Variants in RPRD1A observed in about 807,000 individuals in gnomAD.
RPRD1A encodes the protein regulation of nuclear pre-mRNA domain containing 1A.
In RPRD1A, 9 loss-of-function variants were observed where a neutral mutation model predicts 37.8. The observed-to-expected ratio is 0.24, with a 90% confidence interval of 0.14 to 0.42. The LOEUF is 0.42. Among genes scored for constraint, RPRD1A ranks in the 10% least tolerant of loss-of-function variants. The pLI, the probability that RPRD1A is intolerant of heterozygous loss-of-function variation, is 1.00. For missense variants in RPRD1A, 255 were observed against 371.0 expected (o/e 0.69, Z 2.57); for synonymous variants, 138 against 139.7 (o/e 0.99, Z 0.08).
intron 1 of RPRD1A, among the ~76,000 whole-genome samples, chr18:36,063,321 T>C (rs114215403): frequency 0.019 from 2,862 of 152,214 alleles, 85 homozygotes; most frequent in African/African-American, 0.065. Context: ...GCCTGCGCCA[T>C]CATGCCCAGC....
intron 6 of RPRD1A, among the ~76,000 whole-genome samples, chr18:36,017,906 T>C (rs969842999): frequency 1.3e-5 from 2 of 152,250 alleles, no homozygotes; most frequent in Admixed American, 6.5e-5. Flanking sequence ...ACTTATACAA[T>C]GCTAAGGATT....
intron 1 of RPRD1A, among the ~76,000 whole-genome samples, chr18:36,063,530 G>A (rs1276965517): frequency 1.3e-5 from 2 of 152,138 alleles, no homozygotes; most frequent in African/African-American, 4.8e-5. Flanking sequence ...CACACTTTGA[G>A]AAACTAAAGA....
At chr18:36,033,572 G>A in intron 2 of RPRD1A, 136 bp downstream of exon 2, 2 of 626,416 alleles carry the variant, frequency 3.2e-6, no homozygotes, top group Middle Eastern at 4.3e-4. Flanking sequence ...GCCATGTAGA[G>A]GGAAGTCTTT....
intron 1 of RPRD1A, among the ~76,000 whole-genome samples, chr18:36,034,420 T>C (rs993601759): frequency 1.3e-5 from 2 of 152,184 alleles, no homozygotes; most frequent in Admixed American, 6.5e-5. Flanking sequence ...GACAAAAATA[T>C]TCCCCTACTC....
At chr18:36,023,849 T>A (rs1016715570) in intron 6 of RPRD1A, among the ~76,000 whole-genome samples, 3 of 152,210 alleles carry the variant, frequency 2.0e-5, no homozygotes, top group African/African-American at 7.2e-5. Context: ...ATTTTTTATA[T>A]GTAATTTTAT....
chr18:36,009,093 C>T, intron 6 of RPRD1A, among the ~76,000 whole-genome samples: 1 of 152,048 alleles, frequency 6.6e-6, no homozygotes, highest in East Asian at 1.9e-4. Flanking sequence ...AGGGGAAGTT[C>T]TTCCCTTTGA....
chr18:35,997,687 T>A (rs577889453), intron 6 of RPRD1A, among the ~76,000 whole-genome samples: 1 of 152,358 alleles, frequency 6.6e-6, no homozygotes, highest in South Asian at 2.1e-4. Flanking sequence ...CTTCTTTCCA[T>A]CTTACCCATC....
chr18:36,058,959 A>C (rs1913981847), intron 1 of RPRD1A, among the ~76,000 whole-genome samples: 1 of 152,208 alleles, frequency 6.6e-6, no homozygotes, highest in Admixed American at 6.5e-5. Context: ...AAAATGTAAA[A>C]TAATCACTCC....
chr18:36,059,502 ATAAT>A (rs2088862964), intron 1 of RPRD1A, among the ~76,000 whole-genome samples: 2 of 152,184 alleles, frequency 1.3e-5, no homozygotes, highest in Admixed American at 1.3e-4. Flanking sequence ...TTTAAAACAA[ATAAT>A]TATTAAATAA....
At chr18:36,050,848 TTTTTCTTTTC>T (rs200015439) in intron 1 of RPRD1A, among the ~76,000 whole-genome samples, 22 of 151,382 alleles carry the variant, frequency 1.5e-4, no homozygotes, top group African/African-American at 4.1e-4. Context: ...CCAGAATCAA[TTTTTCTTTTC>T]TTTTCTTTTC....
At chr18:36,055,786 G>A (rs1279787913) in intron 1 of RPRD1A, among the ~76,000 whole-genome samples, 2 of 152,164 alleles carry the variant, frequency 1.3e-5, no homozygotes, top group Non-Finnish European at 1.5e-5. Context: ...GCATGTCTGA[G>A]AGGGTGGATG....
chr18:36,022,739 G>A (rs901310581), intron 6 of RPRD1A, among the ~76,000 whole-genome samples: 2 of 151,790 alleles, frequency 1.3e-5, no homozygotes, highest in African/African-American at 4.9e-5. Context: ...CAGGTGGGAG[G>A]ACTGCTTGAC....
chr18:36,029,987 T>G (rs1196120297), intron 4 of RPRD1A, among the ~76,000 whole-genome samples: 1 of 151,550 alleles, frequency 6.6e-6, no homozygotes, highest in African/African-American at 2.4e-5. Flanking sequence ...TTGTATTTTT[T>G]AGTAGAGACG....
At chr18:36,055,566 T>A (rs1421224840) in intron 1 of RPRD1A, among the ~76,000 whole-genome samples, 1 of 152,182 alleles carries the variant, frequency 6.6e-6, no homozygotes, top group Non-Finnish European at 1.5e-5. Flanking sequence ...ACATTTAAAA[T>A]AAGACTGCAC....
chr18:36,039,272 A>C (rs1157752502), intron 1 of RPRD1A, among the ~76,000 whole-genome samples: 1 of 152,180 alleles, frequency 6.6e-6, no homozygotes, highest in Admixed American at 6.5e-5. Context: ...GAGTCAATTA[A>C]ATTTCTTTTC....
chr18:36,036,079 C>T (rs1179232986), intron 1 of RPRD1A, among the ~76,000 whole-genome samples: 1 of 151,398 alleles, frequency 6.6e-6, no homozygotes, highest in Admixed American at 6.6e-5. Context: ...TATTTATTAC[C>T]ACAAAAACAA....
chr18:36,052,242 C>T (rs1913451094), intron 1 of RPRD1A, among the ~76,000 whole-genome samples: 1 of 149,844 alleles, frequency 6.7e-6, no homozygotes, highest in South Asian at 2.1e-4. Flanking sequence ...ACATTTCAAG[C>T]TAAACAAAAG....
chr18:36,030,078 T>G (rs1284738809), intron 4 of RPRD1A, among the ~76,000 whole-genome samples: 1 of 150,532 alleles, frequency 6.6e-6, no homozygotes, highest in Non-Finnish European at 1.5e-5. Context: ...AGTGCTGGGA[T>G]TACAGGCGTG....
chr18:36,003,996 C>T (rs1401386281), intron 6 of RPRD1A, among the ~76,000 whole-genome samples: 1 of 138,722 alleles, frequency 7.2e-6, no homozygotes, highest in Non-Finnish European at 1.5e-5. Context: ...CAGACAGACA[C>T]AGACTTTTTT....
Sources: allele counts gnomAD v4.1 joint callset (sites outside exome capture counted in the v4.1 genomes callset), GRCh38; gene constraint gnomAD v4.1.1; transcripts MANE v1.5; gene names NCBI Gene and HGNC (gene_info 2026-07-23, HGNC 2026-07-21).